Variants in OTUD4 observed in about 807,000 individuals in gnomAD.
OTUD4 encodes the protein OTU deubiquitinase 4, also known as OTU domain-containing protein 4.
A neutral mutation model predicts 130.4 loss-of-function variants in OTUD4; 24 were observed. The ratio of observed to expected loss-of-function variants is 0.18; its 90% CI spans 0.13 to 0.26. The LOEUF (loss-of-function observed/expected upper bound fraction) is 0.26. Among genes scored for constraint, OTUD4 ranks in the 10% least tolerant of loss-of-function variants. The pLI is 1.00. For synonymous variants in OTUD4, 420 were observed against 472.5 expected, an observed-to-expected ratio of 0.89 and a Z score of 1.44; for missense variants, 1,031 against 1,329.4, an observed-to-expected ratio of 0.78 and a Z score of 3.49.
At chr4:145,172,502 AAC>A (rs1752221613) in intron 2 of OTUD4, among the ~76,000 whole-genome samples, 2 of 152,250 alleles carry the variant, frequency 1.3e-5, no homozygotes, top group African/African-American at 4.8e-5. Context: ...GCTGTGTAAT[AAC>A]ACAACCTTTT....
At chr4:145,143,820 T>C in intron 16 of OTUD4, 126 bp downstream of exon 16, 1 of 688,270 alleles carries the variant, frequency 1.5e-6, no homozygotes, top group South Asian at 1.9e-5. Context: ...TTTTCCCTGC[T>C]TTTCTACTTT....
chr4:145,175,804 A>G (rs1016324510), intron 1 of OTUD4, among the ~76,000 whole-genome samples: 6 of 151,144 alleles, frequency 4.0e-5, no homozygotes, highest in Non-Finnish European at 8.8e-5. Context: ...CGACCTCCCA[A>G]TGTGCTGGGA....
chr4:145,142,167 T>C, intron 18 of OTUD4, 29 bp downstream of exon 18: 1 of 1,600,682 alleles, frequency 6.2e-7, no homozygotes, highest in African/African-American at 1.3e-5. Context: ...GTATTTTGGC[T>C]GGCTAGATTT....
chr4:145,167,819 T>C (rs947788526), intron 3 of OTUD4, among the ~76,000 whole-genome samples: 5 of 152,084 alleles, frequency 3.3e-5, no homozygotes, highest in African/African-American at 9.6e-5. Flanking sequence ...GATTACACCA[T>C]TGCACTCCAG....
intron 13 of OTUD4, 93 bp from the exon 14 acceptor site, chr4:145,146,522 T>C (rs1579250945): frequency 2.8e-6 from 2 of 723,498 alleles, no homozygotes; most frequent in Non-Finnish European, 4.1e-6. Flanking sequence ...AACACAAAAC[T>C]GTACTGAGTA....
intron 7 of OTUD4, 51 bp from the exon 8 acceptor site, chr4:145,156,047 AT>A (rs1221497638): frequency 7.0e-7 from 1 of 1,430,884 alleles, no homozygotes. Context: ...TTTGCACGTA[AT>A]TACCTTCTAA....
intron 17 of OTUD4, among the ~76,000 whole-genome samples, chr4:145,143,097 A>C (rs1431462393): frequency 1.3e-5 from 2 of 152,248 alleles, no homozygotes; most frequent in African/African-American, 4.8e-5. Flanking sequence ...TATAACGATA[A>C]CAAATATAAA....
intron 19 of OTUD4, among the ~76,000 whole-genome samples, chr4:145,140,337 G>C (rs1251147213): frequency 6.6e-6 from 1 of 152,146 alleles, no homozygotes; most frequent in Non-Finnish European, 1.5e-5. Flanking sequence ...TAAAAATGTT[G>C]AGAAGAATGG....
chr4:145,163,360 A>T (rs1165288823), intron 5 of OTUD4, among the ~76,000 whole-genome samples: 1 of 152,204 alleles, frequency 6.6e-6, no homozygotes, highest in Non-Finnish European at 1.5e-5. Context: ...ATTCTCTTAT[A>T]ATAAGTCAGT....
chr4:145,156,281 A>G (rs1247415919), intron 7 of OTUD4, among the ~76,000 whole-genome samples: 1 of 152,244 alleles, frequency 6.6e-6, no homozygotes, highest in Non-Finnish European at 1.5e-5. Flanking sequence ...TGAATTTACA[A>G]AAGAATGTAA....
In OTUD4 at chr4:145,170,193, T is replaced by G. The variant is rs115972507; in HGVS notation, c.294+1477A>C. Among the ~76,000 whole-genome samples the G allele has an allele frequency of 6.0e-4, 91 of 152,320 alleles. 1 individual carries two copies. Among genetic ancestry groups the G allele is most frequent in the African/African-American group, 2.1e-3 (86 of 41,568 alleles). ...GGGAATCTGCATTTTCACATGCACATCAAGTGATTTTGATACAGATAACCT... is the reference window on the plus strand; with the variant it reads ...GGGAATCTGCATTTTCACATGCACAGCAAGTGATTTTGATACAGATAACCT... On this transcript the variant is annotated intron_variant, in intron 3 of 20. Coordinates refer to ENST00000447906, the MANE Select transcript of OTUD4 (RefSeq NM_001366057.1).
intron 1 of OTUD4, among the ~76,000 whole-genome samples, chr4:145,179,284 C>T (rs1446465139): frequency 1.3e-5 from 2 of 152,270 alleles, no homozygotes; most frequent in South Asian, 2.1e-4. Context: ...TTGTAAAAGG[C>T]TGGTTTTCTC....
At chr4:145,145,145 T>A (rs1006699444) in intron 14 of OTUD4, among the ~76,000 whole-genome samples, 10 of 152,164 alleles carry the variant, frequency 6.6e-5, no homozygotes, top group Non-Finnish European at 1.3e-4. Context: ...AATTTCACCA[T>A]CTGTACCCAC....
At position 145,137,936 on chromosome 4, in the gene OTUD4, C is replaced by T; in HGVS notation, c.2839G>A (p.Asp947Asn). Residue 947 changes from aspartate (D) to asparagine (N), a missense_variant, in exon 21 of 21, where the codon GAT becomes AAT. By Grantham distance (23) the Asp-to-Asn change is conservative. Transcript: ENST00000447906. ...GGAGGGATGGAAGCCAATGCCGTAT[C>T]TGCCTTTCGTGTCTGGGAAGATTGC... Reference protein sequence around the residue: ...TEQSSQTRKADTALASIPPVA... With the variant: ...TEQSSQTRKANTALASIPPVA... 1.2e-6 allele frequency: 2 copies of T among 1,614,180 alleles called. No homozygotes were observed. Among genetic ancestry groups the T allele is most frequent in the Non-Finnish European group, 1.7e-6 (2 of 1,180,044 alleles).
chr4:145,146,428 T>G lies in OTUD4; in HGVS notation c.1261A>C (p.Lys421Gln), dbSNP rs543595930. 6.6e-7 allele frequency: 1 copy of G among 1,523,930 alleles called. No homozygotes were observed. Among genetic ancestry groups the G allele is most frequent in the African/African-American group, 1.4e-5 (1 of 70,536 alleles). 94.4% of individuals were successfully genotyped at this position (1,523,930 alleles called of 1,614,324 possible). Residue 421 changes from lysine (K) to glutamine (Q), a missense_variant and splice_region_variant, in exon 14 of 21, where the codon AAA becomes CAA. This residue lies in a region of OTUD4 where 900 missense variants were observed against 1,095.9 expected (regional missense o/e 0.82). Transcript: ENST00000447906. Reference protein sequence around the residue: ...LSRTPSQIIRKPDRERVEDFD... With the variant: ...LSRTPSQIIRQPDRERVEDFD... ...TCCTCAACTCTTTCACGATCAGGTT[T>G]TCTGTCAAATAAAACATTCTTGTCA...
rs372408181 is a variant in OTUD4, at chr4:145,152,499, T to A, written c.968+42A>T. On this transcript the variant is annotated intron_variant, in intron 11 of 20. Transcript: ENST00000447906. ...TTAAAATGCTCATGATTAGGCTAAA[T>A]GGAGGAGGCAGTAAATGCCTTAGCT... is the stretch of plus-strand genomic sequence containing the variant. 1.5e-5 allele frequency: 16 copies of A among 1,053,212 alleles called. No individual in the cohort carries two copies. In the African/African-American group the frequency reaches 2.4e-4, roughly 16 times the overall value. 65.2% of individuals were successfully genotyped at this position (1,053,212 alleles called of 1,614,324 possible). A position where few individuals can be genotyped will look rare whatever the true frequency, so the allele number is the denominator to read the frequency against.
chr4:145,180,081 C>T lies in OTUD4; in HGVS notation c.-108G>A. 2 of 924,626 alleles carry T rather than the reference C, an allele frequency of 2.2e-6. No homozygotes were observed. Among genetic ancestry groups the T allele is most frequent in the Non-Finnish European group, 2.7e-6 (2 of 743,246 alleles). The allele number at this position is 924,626 out of a possible 1,614,324, so 57.3% of individuals were successfully genotyped here. On this transcript the variant is annotated 5_prime_UTR_variant, in exon 1 of 21. Transcript: ENST00000447906. ...GGGCAGGCGGCGGCTCGGGCTGGGG[C>T]TCGGGCTCCGCGAGCGGCGGCAGGC...
Position 145,141,658 on chromosome 4 carries a change from G to A in OTUD4, c.1823-19C>T. 1.3e-6 allele frequency: 2 copies of A among 1,498,640 alleles called. No homozygotes were observed. Among genetic ancestry groups the A allele is most frequent in the Admixed American group, 2.3e-5 (1 of 43,074 alleles). The allele number at this position is 1,498,640 out of a possible 1,614,324, so 92.8% of individuals were successfully genotyped here. A position where few individuals can be genotyped will look rare whatever the true frequency, so the allele number is the denominator to read the frequency against. ...GGGACACCTACAAAAGAGAAGAAAAGGAATCAAAATGACAAAAGATGAAAA... is the reference window on the plus strand; with the variant it reads ...GGGACACCTACAAAAGAGAAGAAAAAGAATCAAAATGACAAAAGATGAAAA... On this transcript the variant is annotated intron_variant, in intron 18 of 20. Coordinates refer to ENST00000447906, the MANE Select transcript of OTUD4 (RefSeq NM_001366057.1).
chr4:145,144,237 C>A, intron 15 of OTUD4, 74 bp downstream of exon 15: 1 of 1,500,994 alleles, frequency 6.7e-7, no homozygotes, highest in Non-Finnish European at 9.0e-7. Flanking sequence ...AGGGTTCTTT[C>A]CCAAATATAT....
Sources: gnomAD v4.1 joint callset for allele counts (sites outside exome capture counted in the v4.1 genomes callset) on GRCh38, gnomAD v4.1.1 for gene constraint, gnomAD v4.1.1 regional missense constraint, MANE v1.5 for transcripts, NCBI Gene and HGNC (gene_info 2026-07-23, HGNC 2026-07-21) for gene names.